Variants in ABI2 observed in about 807,000 individuals in gnomAD.
The protein encoded by ABI2 is abl interactor 2, also known as abelson interactor 2.
A neutral mutation model predicts 59.2 loss-of-function variants in ABI2; 25 were observed. The ratio of observed to expected loss-of-function variants is 0.42; its 90% CI spans 0.31 to 0.59. ABI2 has a LOEUF of 0.59. Ranked by LOEUF, ABI2 falls within the 20% of genes least tolerant of loss-of-function variation. The probability of loss-of-function intolerance (pLI) is 0.14; values close to 1 mark genes in which losing one functional copy is unlikely to be tolerated. For missense variants in ABI2, 545 were observed against 681.8 expected, an observed-to-expected ratio of 0.80 and a Z score of 2.23; for synonymous variants, 213 against 235.5, an observed-to-expected ratio of 0.90 and a Z score of 0.87.
intron 2 of ABI2, among the ~76,000 whole-genome samples, chr2:203,378,332 CG>C (rs1459960183): frequency 2.6e-5 from 4 of 151,988 alleles, no homozygotes; most frequent in Admixed American, 2.0e-4. Flanking sequence ...AGGATGGTCT[CG>C]ATCTCCGGAC....
intron 2 of ABI2, among the ~76,000 whole-genome samples, chr2:203,372,561 AC>A (rs1255635131): frequency 8.9e-5 from 11 of 122,980 alleles, no homozygotes; most frequent in African/African-American, 2.9e-4. Flanking sequence ...CGGGGGGCTG[AC>A]CCCCCCACCT....
intron 8 of ABI2, 147 bp from the exon 9 acceptor site, chr2:203,402,429 A>G (rs765927935): frequency 2.5e-5 from 14 of 560,824 alleles, no homozygotes; most frequent in Non-Finnish European, 3.8e-5. Context: ...TCAGCGAACA[A>G]TAACTCACCT....
rs1245194206 is a variant in ABI2, at chr2:203,431,987, ATGAGT to A, written c.*4641_*4645del. 2 of 152,144 alleles carry A rather than the reference ATGAGT, an allele frequency of 1.3e-5. No individual in the cohort carries two copies. The highest frequency in any genetic ancestry group is 2.4e-5 in the African/African-American group (1 of 41,428). 9.4% of individuals were successfully genotyped at this position (152,144 alleles called of 1,614,324 possible). On this transcript the variant is annotated 3_prime_UTR_variant, in exon 12 of 12. Coordinates refer to ENST00000261018, the MANE Select transcript of ABI2 (RefSeq NM_001375670.1). ...TCCCAGAGGGAGAGTTGGTGGTATT[ATGAGT>A]TGAGTAAAAACCATCCAGGGGAACT...
At chr2:203,364,025 A>T (rs539587429) in intron 1 of ABI2, among the ~76,000 whole-genome samples, 1 of 151,532 alleles carries the variant, frequency 6.6e-6, no homozygotes, top group Non-Finnish European at 1.5e-5. Flanking sequence ...TGGCCTCCCA[A>T]AGTGCTGGAA....
Position 203,366,938 on chromosome 2 carries a change from G to T in ABI2, c.179G>T (p.Ser60Ile). ...GCCTACACCACCCAATCCTTAGCAAGTGTTGCCTATCTGATAAACACCTTG... is the reference window on the plus strand; with the variant it reads ...GCCTACACCACCCAATCCTTAGCAATTGTTGCCTATCTGATAAACACCTTG... The part of the protein sequence containing the change: ...TKAYTTQSLA[S>I]VAYLINTLAN... Residue 60 changes from serine to isoleucine, a missense_variant, in exon 2 of 12, where the codon AGT (serine) becomes ATT (isoleucine). Physicochemically the swap from Ser to Ile is moderately radical, Grantham distance 142. This residue lies in a region of ABI2 where 36 missense variants were observed against 80.0 expected (regional missense o/e 0.45). Coordinates refer to ENST00000261018, the MANE Select transcript of ABI2 (RefSeq NM_001375670.1). The T allele has an allele frequency of 1.9e-6, 3 of 1,613,460 alleles. No homozygotes were observed. The highest frequency in any genetic ancestry group is 2.5e-6 in the Non-Finnish European group (3 of 1,179,680).
At chr2:203,384,858 C>A (rs1489830958) in intron 4 of ABI2, among the ~76,000 whole-genome samples, 1 of 149,042 alleles carries the variant, frequency 6.7e-6, no homozygotes, top group Non-Finnish European at 1.5e-5. Context: ...TTTTTGAGAC[C>A]GAGTCTTGCT....
At chr2:203,363,566 C>T (rs1159318992) in intron 1 of ABI2, among the ~76,000 whole-genome samples, 1 of 151,806 alleles carries the variant, frequency 6.6e-6, no homozygotes, top group Non-Finnish European at 1.5e-5. Flanking sequence ...AACCATCCTT[C>T]TACTCTCTAT....
At chr2:203,338,856 G>A (rs945739452) in intron 1 of ABI2, among the ~76,000 whole-genome samples, 7 of 145,228 alleles carry the variant, frequency 4.8e-5, no homozygotes, top group Non-Finnish European at 9.0e-5. Context: ...GGCAATTTAT[G>A]GAATGGGAGA....
In ABI2 at chr2:203,366,942, T is replaced by G. The variant is rs773360186; in HGVS notation, c.183T>G (p.Val61=). The G allele has an allele frequency of 6.2e-7, 1 of 1,613,670 alleles. No individual in the cohort carries two copies. Among genetic ancestry groups the G allele is most frequent in the Non-Finnish European group, 8.5e-7 (1 of 1,179,792 alleles). The change falls in exon 2 of 12, where the codon GTT becomes GTG. Residue 61 remains valine, a synonymous_variant. Coordinates refer to ENST00000261018, the MANE Select transcript of ABI2 (RefSeq NM_001375670.1). The part of the protein sequence containing the change: ...KAYTTQSLAS[V]AYLINTLANN... ...ACACCACCCAATCCTTAGCAAGTGTTGCCTATCTGATAAACACCTTGGCCA... is the reference window on the plus strand; with the variant it reads ...ACACCACCCAATCCTTAGCAAGTGTGGCCTATCTGATAAACACCTTGGCCA...
chr2:203,337,088 T>C (rs2076806688), intron 1 of ABI2, among the ~76,000 whole-genome samples: 1 of 152,196 alleles, frequency 6.6e-6, no homozygotes, highest in Non-Finnish European at 1.5e-5. Flanking sequence ...AATAAGACAG[T>C]GGTGCCCAGT....
chr2:203,355,839 A>AAC (rs1053319325), intron 1 of ABI2, among the ~76,000 whole-genome samples: 21 of 151,076 alleles, frequency 1.4e-4, no homozygotes, highest in African/African-American at 4.4e-4. Context: ...CAAAAAAAAA[A>AAC]AAAAAAAAAA....
At chr2:203,388,630 G>A (rs759204265) in intron 4 of ABI2, among the ~76,000 whole-genome samples, 1 of 152,034 alleles carries the variant, frequency 6.6e-6, no homozygotes, top group African/African-American at 2.4e-5. Context: ...GTAGTGAGCC[G>A]AGATCAGGCC....
At chr2:203,367,784 C>T (rs1169386735) in intron 2 of ABI2, among the ~76,000 whole-genome samples, 1 of 151,812 alleles carries the variant, frequency 6.6e-6, no homozygotes, top group Non-Finnish European at 1.5e-5. Context: ...GGGAGGATCG[C>T]TTCAGCCCAG....
intron 1 of ABI2, 96 bp from the exon 2 acceptor site, chr2:203,366,781 C>A: frequency 8.1e-7 from 1 of 1,235,032 alleles, no homozygotes; most frequent in Non-Finnish European, 1.1e-6. Flanking sequence ...TTCTGGTGGA[C>A]TCAGCAGAAT....
At chr2:203,371,477 T>C (rs2095188351) in intron 2 of ABI2, among the ~76,000 whole-genome samples, 1 of 152,252 alleles carries the variant, frequency 6.6e-6, no homozygotes, top group Non-Finnish European at 1.5e-5. Context: ...TACTAATTTT[T>C]ACTACATTCA....
chr2:203,402,483 TA>T, intron 8 of ABI2, 92 bp from the exon 9 acceptor site: 1 of 989,808 alleles, frequency 1.0e-6, no homozygotes, highest in Non-Finnish European at 1.3e-6. Flanking sequence ...CTGTTATTTT[TA>T]ATTCTTAAGA....
rs769362739 is a variant in ABI2, at chr2:203,394,734, C to T, written c.613C>T (p.Arg205Cys). ...HSPYRTLEPV[R>C]PPVVPNDYVP... ...CCCCTATCGCACACTGGAGCCAGTG[C>T]GTCCTCCAGTGGTACCAAATGATTA... The change falls in exon 6 of 12, where the codon CGT becomes TGT. Residue 205 changes from arginine to cysteine, a missense_variant. Physicochemically the swap from Arg to Cys is radical, Grantham distance 180. Transcript: ENST00000261018. 6.2e-6 allele frequency: 10 copies of T among 1,613,878 alleles called. No individual in the cohort carries two copies. Among genetic ancestry groups the T allele is most frequent in the South Asian group, 1.1e-5 (1 of 91,084 alleles).
At chr2:203,383,057 A>G (rs2096241013) in intron 4 of ABI2, among the ~76,000 whole-genome samples, 1 of 152,190 alleles carries the variant, frequency 6.6e-6, no homozygotes, top group African/African-American at 2.4e-5. Context: ...AAAACTTAGC[A>G]TGCATTTCTT....
chr2:203,357,948 T>G (rs2152854067), intron 1 of ABI2, among the ~76,000 whole-genome samples: 1 of 149,436 alleles, frequency 6.7e-6, no homozygotes, highest in East Asian at 2.0e-4. Flanking sequence ...TTTGTATTTT[T>G]AGTAGAGATG....
Sources: allele counts gnomAD v4.1 joint callset (sites outside exome capture counted in the v4.1 genomes callset), GRCh38; gene constraint gnomAD v4.1.1; regional missense constraint gnomAD v4.1.1; transcripts MANE v1.5; gene names NCBI Gene and HGNC (gene_info 2026-07-23, HGNC 2026-07-21).